FBXL17: variants seen among roughly 807,000 people sequenced by gnomAD.
The protein encoded by FBXL17 is F-box/LRR-repeat protein 17.
FBXL17 carries 22 observed loss-of-function variants against 66.2 expected under a neutral mutation model. The observed-to-expected ratio is 0.33, with a 90% CI of 0.24 to 0.47. The LOEUF (loss-of-function observed/expected upper bound fraction) is 0.47. FBXL17 is among the 20% of genes least tolerant of loss of function. The pLI, the probability that FBXL17 is intolerant of heterozygous loss-of-function variation, is 1.00. For synonymous variants in FBXL17, 474 were observed against 400.5 expected, an observed-to-expected ratio of 1.18 and a Z score of -2.19; for missense variants, 878 against 948.2, an observed-to-expected ratio of 0.93 and a Z score of 0.97.
chr5:108,363,721 A>G (rs1748487790), intron 3 of FBXL17, among the ~76,000 whole-genome samples: 1 of 151,996 alleles, frequency 6.6e-6, no homozygotes, highest in African/African-American at 2.4e-5. Flanking sequence ...GAAGTCTGCT[A>G]AACTACTACC....
chr5:108,154,616 T>TATACACAC lies in FBXL17; in HGVS notation c.1745+31500_1745+31501insGTGTGTAT, dbSNP rs1554070064. ...AAAAAAAAAAAAAAAAATATATATA[T>TATACACAC]ACACACACACACACACACACACACA... On this transcript the variant is annotated intron_variant, in intron 6 of 8. Transcript: ENST00000542267. Among the ~76,000 whole-genome samples, 449 of 96,272 alleles carry TATACACAC rather than the reference T, an allele frequency of 4.7e-3. 6 individuals are homozygous for TATACACAC. The highest frequency in any genetic ancestry group is 7.4e-3 in the South Asian group (20 of 2,712). The allele number at this position is 96,272 out of a possible 152,430, so 63.2% of individuals were successfully genotyped here.
Position 108,129,396 on chromosome 5 carries a change from T to C in FBXL17, c.1745+56721A>G, listed in dbSNP as rs139658002. 3.3e-3 allele frequency among the ~76,000 whole-genome samples: 509 copies of C among 152,196 alleles called. 13 individuals carry two copies. The highest frequency in any genetic ancestry group is 0.029 in the Admixed American group (436 of 15,292). On this transcript the variant is annotated intron_variant, in intron 6 of 8. Coordinates refer to ENST00000542267, the MANE Select transcript of FBXL17 (RefSeq NM_001163315.3). ...CATACACATATTTCTAAGGAATTCA[T>C]CTGTAGTCTGATTTACACTCTTAAA...
At chr5:108,358,196 T>C (rs1748121228) in intron 3 of FBXL17, among the ~76,000 whole-genome samples, 1 of 152,138 alleles carries the variant, frequency 6.6e-6, no homozygotes, top group African/African-American at 2.4e-5. Flanking sequence ...AATTGCTCCT[T>C]AGAACTTTCA....
At chr5:107,928,764 T>C (rs1750624113) in intron 7 of FBXL17, among the ~76,000 whole-genome samples, 1 of 152,166 alleles carries the variant, frequency 6.6e-6, no homozygotes, top group South Asian at 2.1e-4. Flanking sequence ...TCCTAGTCTT[T>C]CACTTGCTAC....
intron 4 of FBXL17, among the ~76,000 whole-genome samples, chr5:108,271,292 A>G (rs188092806): frequency 5.6e-4 from 85 of 152,240 alleles, no homozygotes; most frequent in African/African-American, 2.0e-3. Flanking sequence ...TGTCCAAATC[A>G]TATTTATGTG....
intron 4 of FBXL17, among the ~76,000 whole-genome samples, chr5:108,337,875 G>C (rs184950091): frequency 5.3e-5 from 8 of 152,068 alleles, no homozygotes; most frequent in African/African-American, 1.9e-4. Context: ...GTTTATGAGT[G>C]AATTCAGAGG....
chr5:108,362,359 G>A (rs1444701947), intron 3 of FBXL17, among the ~76,000 whole-genome samples: 5 of 152,060 alleles, frequency 3.3e-5, no homozygotes, highest in African/African-American at 7.2e-5. Context: ...TAGTAACAAT[G>A]CATACAATTT....
At chr5:108,311,606 T>A (rs1193854022) in intron 4 of FBXL17, among the ~76,000 whole-genome samples, 1 of 152,168 alleles carries the variant, frequency 6.6e-6, no homozygotes, top group Non-Finnish European at 1.5e-5. Flanking sequence ...ACCACTGGTA[T>A]CTCTCCTTGG....
intron 6 of FBXL17, among the ~76,000 whole-genome samples, chr5:108,028,851 A>C (rs990404483): frequency 1.3e-5 from 2 of 152,198 alleles, no homozygotes; most frequent in Non-Finnish European, 2.9e-5. Context: ...GCTAAGAATG[A>C]TTCTAAGCAT....
chr5:108,231,253 C>A (rs751079433), intron 4 of FBXL17, among the ~76,000 whole-genome samples: 36 of 152,114 alleles, frequency 2.4e-4, no homozygotes, highest in Non-Finnish European at 8.8e-5. Context: ...ATAATCATCA[C>A]CACAATCCAG....
At chr5:107,896,010 G>A (rs1749370432) in intron 7 of FBXL17, among the ~76,000 whole-genome samples, 1 of 152,088 alleles carries the variant, frequency 6.6e-6, no homozygotes, top group South Asian at 2.1e-4. Flanking sequence ...AACATGGTCT[G>A]TCCATTGGAT....
At chr5:108,319,838 A>G (rs1201006813) in intron 4 of FBXL17, among the ~76,000 whole-genome samples, 1 of 151,826 alleles carries the variant, frequency 6.6e-6, no homozygotes, top group Non-Finnish European at 1.5e-5. Flanking sequence ...CCAAAAAGTC[A>G]GCAGCAATCT....
At chr5:108,372,558 A>C (rs1749116752) in intron 1 of FBXL17, among the ~76,000 whole-genome samples, 1 of 152,206 alleles carries the variant, frequency 6.6e-6, no homozygotes, top group South Asian at 2.1e-4. Flanking sequence ...AAGGACACTC[A>C]ATACAATCAA....
intron 4 of FBXL17, among the ~76,000 whole-genome samples, chr5:108,280,056 G>A (rs948255787): frequency 6.6e-6 from 1 of 152,072 alleles, no homozygotes; most frequent in African/African-American, 2.4e-5. Flanking sequence ...CCTATTTAAT[G>A]AAGTAATAAT....
intron 6 of FBXL17, among the ~76,000 whole-genome samples, chr5:108,172,031 C>T (rs1752623904): frequency 6.6e-6 from 1 of 152,170 alleles, no homozygotes; most frequent in Non-Finnish European, 1.5e-5. Flanking sequence ...CCACATGGAA[C>T]TGAGAGTCCA....
chr5:108,050,340 A>C (rs1252735852), intron 6 of FBXL17, among the ~76,000 whole-genome samples: 1 of 152,248 alleles, frequency 6.6e-6, no homozygotes, highest in Non-Finnish European at 1.5e-5. Flanking sequence ...CAAATGCAAA[A>C]GAACTGAAAT....
rs1580675187 is a variant in FBXL17, at chr5:107,879,341, A to T, written c.1965+1696T>A. 5.1e-6 allele frequency: 5 copies of T among 985,428 alleles called. No homozygotes were observed. In the South Asian group the frequency reaches 2.3e-4, roughly 46 times the overall value. 61.0% of individuals were successfully genotyped at this position (985,428 alleles called of 1,614,324 possible). The stretch of plus-strand genomic sequence containing the variant: ...TGTCATTGATTCCTGTTTCTAGAGG[A>T]CTATGCCTATGGTGGACCCTTTAAC... On this transcript the variant is annotated intron_variant, in intron 8 of 8. Coordinates refer to ENST00000542267, the MANE Select transcript of FBXL17 (RefSeq NM_001163315.3).
chr5:108,168,461 C>T (rs1450848334), intron 6 of FBXL17, among the ~76,000 whole-genome samples: 2 of 152,284 alleles, frequency 1.3e-5, no homozygotes, highest in East Asian at 1.9e-4. Flanking sequence ...AATTTTCATA[C>T]ATATATGATT....
At chr5:107,924,686 A>G (rs1190940456) in intron 7 of FBXL17, among the ~76,000 whole-genome samples, 1 of 152,168 alleles carries the variant, frequency 6.6e-6, no homozygotes, top group African/African-American at 2.4e-5. Flanking sequence ...TAACCAGGCA[A>G]TTGTGAGGAT....
Sources: allele counts gnomAD v4.1 joint callset (sites outside exome capture counted in the v4.1 genomes callset), GRCh38; gene constraint gnomAD v4.1.1; transcripts MANE v1.5; gene names NCBI Gene and HGNC (gene_info 2026-07-23, HGNC 2026-07-21).